KCNN2: variants seen among roughly 807,000 people sequenced by gnomAD.
The protein encoded by KCNN2 is small conductance calcium-activated potassium channel protein 2.
KCNN2 carries 24 observed loss-of-function variants against 55.5 expected under a neutral mutation model. The ratio of observed to expected loss-of-function variants is 0.43; its 90% CI spans 0.31 to 0.61. KCNN2 has a LOEUF of 0.61. Ranked by LOEUF, KCNN2 falls within the 20% of genes least tolerant of loss-of-function variation. The pLI, the probability that KCNN2 is intolerant of heterozygous loss-of-function variation, is 0.08. For synonymous variants in KCNN2, 431 were observed against 336.1 expected (o/e 1.28, Z -3.09); for missense variants, 754 against 853.6 (o/e 0.88, Z 1.45).
intron 1 of KCNN2, among the ~76,000 whole-genome samples, chr5:114,111,720 T>A (rs560087947): frequency 2.0e-5 from 3 of 152,034 alleles, no homozygotes; most frequent in Non-Finnish European, 4.4e-5. Context: ...AACAGACACA[T>A]GAAAAAATGC....
At chr5:114,363,784 C>T in intron 1 of KCNN2, 122 bp from the exon 2 acceptor site, 1 of 686,594 alleles carries the variant, frequency 1.5e-6, no homozygotes, top group Non-Finnish European at 2.6e-6. Flanking sequence ...GTGCACCCCT[C>T]TCCCCTTATC....
chr5:114,397,530 G>A (rs1224722238), intron 2 of KCNN2, among the ~76,000 whole-genome samples: 1 of 152,134 alleles, frequency 6.6e-6, no homozygotes, highest in Non-Finnish European at 1.5e-5. Context: ...GAGATTACAA[G>A]CACGCAACAC....
At chr5:114,492,779 C>G (rs1331206234) in intron 6 of KCNN2, among the ~76,000 whole-genome samples, 1 of 151,886 alleles carries the variant, frequency 6.6e-6, no homozygotes, top group Non-Finnish European at 1.5e-5. Flanking sequence ...ATGGTCTGGC[C>G]TCCCTACAAA....
chr5:114,202,141 T>C (rs1753685366), intron 1 of KCNN2, among the ~76,000 whole-genome samples: 1 of 152,064 alleles, frequency 6.6e-6, no homozygotes, highest in African/African-American at 2.4e-5. Context: ...CCCTAGTAGC[T>C]GGGCTGTCAA....
chr5:114,175,429 A>C (rs1753115447), intron 1 of KCNN2, among the ~76,000 whole-genome samples: 1 of 152,228 alleles, frequency 6.6e-6, no homozygotes, highest in Non-Finnish European at 1.5e-5. Flanking sequence ...ACTCTTGTGC[A>C]TCAGGTGTAC....
At chr5:114,203,726 A>G (rs1753718857) in intron 1 of KCNN2, among the ~76,000 whole-genome samples, 1 of 152,224 alleles carries the variant, frequency 6.6e-6, no homozygotes, top group Non-Finnish European at 1.5e-5. Flanking sequence ...TGGCAGAGAA[A>G]AGGCCATAAG....
chr5:114,400,391 A>T (rs527523686), intron 2 of KCNN2, among the ~76,000 whole-genome samples: 1 of 152,208 alleles, frequency 6.6e-6, no homozygotes, highest in African/African-American at 2.4e-5. Context: ...ACAACAACCA[A>T]TCAAATGCAG....
In KCNN2 at chr5:114,201,821, A is replaced by T. The variant is rs905098310; in HGVS notation, c.-270-19659A>T. On this transcript the variant is annotated intron_variant, in intron 1 of 10. Transcript: ENST00000512097. ...GTCTTGTCCTAGATATGCATAGGAT[A>T]GCCTGGTTTCCCTGTCTGTCCTTGG... 1.3e-4 allele frequency among the ~76,000 whole-genome samples: 20 copies of T among 151,816 alleles called. 1 individual carries two copies. The highest frequency in any genetic ancestry group is 8.5e-4 in the Admixed American group (13 of 15,238).
At chr5:114,095,114 T>G (rs1010511838) in intron 1 of KCNN2, among the ~76,000 whole-genome samples, 1 of 152,140 alleles carries the variant, frequency 6.6e-6, no homozygotes, top group African/African-American at 2.4e-5. Context: ...CTGTTGTTTT[T>G]GGGGTATCTT....
intron 1 of KCNN2, among the ~76,000 whole-genome samples, chr5:114,089,787 T>C (rs1056988456): frequency 3.8e-4 from 58 of 152,232 alleles, no homozygotes; most frequent in African/African-American, 1.4e-3. Flanking sequence ...TAATGGCACA[T>C]AATGTGGGTT....
At chr5:114,244,249 TAAGAGTAGC>T (rs982904999) in intron 2 of KCNN2, among the ~76,000 whole-genome samples, 3 of 152,046 alleles carry the variant, frequency 2.0e-5, no homozygotes, top group African/African-American at 7.2e-5. Context: ...AACAGACTCC[TAAGAGTAGC>T]AAGAGTAGAA....
At chr5:114,060,163 T>A (rs1432892009) in intron 1 of KCNN2, among the ~76,000 whole-genome samples, 2 of 152,244 alleles carry the variant, frequency 1.3e-5, no homozygotes, top group African/African-American at 4.8e-5. Context: ...ATGCAGCACT[T>A]AGCCTGCATG....
intron 2 of KCNN2, among the ~76,000 whole-genome samples, chr5:114,392,196 G>A (rs1001338160): frequency 6.6e-6 from 1 of 152,116 alleles, no homozygotes; most frequent in Non-Finnish European, 1.5e-5. Context: ...CATATGATAT[G>A]TGTTCATTTT....
intron 2 of KCNN2, among the ~76,000 whole-genome samples, chr5:114,245,194 G>A (rs577541909): frequency 1.3e-5 from 2 of 152,256 alleles, no homozygotes; most frequent in South Asian, 4.1e-4. Context: ...GTAAAAGCAG[G>A]AATATTTTCT....
intron 1 of KCNN2, among the ~76,000 whole-genome samples, chr5:114,154,859 A>T (rs779473865): frequency 5.9e-5 from 9 of 152,120 alleles, no homozygotes; most frequent in Admixed American, 5.9e-4. Flanking sequence ...TAGCAATAGA[A>T]ATATTTTGCT....
intron 2 of KCNN2, among the ~76,000 whole-genome samples, chr5:114,372,787 G>A (rs890306777): frequency 1.3e-5 from 2 of 151,970 alleles, no homozygotes; most frequent in Non-Finnish European, 2.9e-5. Flanking sequence ...TTCTCTTCAT[G>A]TAACTTTTTA....
intron 3 of KCNN2, among the ~76,000 whole-genome samples, chr5:114,422,658 C>T (rs1002421506): frequency 1.3e-5 from 2 of 152,046 alleles, no homozygotes; most frequent in African/African-American, 4.8e-5. Flanking sequence ...ATAAAAAAAA[C>T]GAGGATCATA....
intron 1 of KCNN2, among the ~76,000 whole-genome samples, chr5:114,161,255 T>G (rs1752773987): frequency 6.6e-6 from 1 of 152,138 alleles, no homozygotes; most frequent in African/African-American, 2.4e-5. Flanking sequence ...TCTGCTTCAC[T>G]TATGAAGCTT....
At chr5:114,170,005 A>G (rs1241265307) in intron 1 of KCNN2, among the ~76,000 whole-genome samples, 1 of 152,042 alleles carries the variant, frequency 6.6e-6, no homozygotes, top group African/African-American at 2.4e-5. Context: ...TGCTATTGTA[A>G]ATGGAAAGAT....
Sources: allele counts gnomAD v4.1 joint callset (sites outside exome capture counted in the v4.1 genomes callset), GRCh38; gene constraint gnomAD v4.1.1; transcripts MANE v1.5; gene names NCBI Gene and HGNC (gene_info 2026-07-23, HGNC 2026-07-21).